The following ZRANB3 variants were observed in gnomAD, a reference collection of about 807,000 sequenced individuals.
The protein encoded by ZRANB3 is zinc finger RANBP2-type containing 3.
Under a neutral mutation model 133.8 loss-of-function variants are expected in ZRANB3, and 125 were observed. The ratio of observed to expected loss-of-function variants is 0.93; its 90% CI spans 0.81 to 1.08. The LOEUF (loss-of-function observed/expected upper bound fraction) is 1.08, where lower values mean the gene tolerates loss of function less well. Ranked by LOEUF, ZRANB3 falls within the 50% of genes least tolerant of loss-of-function variation. ZRANB3 has a pLI of 0.00. For synonymous variants in ZRANB3, 387 were observed against 432.7 expected (o/e 0.89, Z 1.31); for missense variants, 1,229 against 1,275.5 (o/e 0.96, Z 0.56).
At chr2:135,292,731 T>G (rs986181943) in intron 8 of ZRANB3, among the ~76,000 whole-genome samples, 1 of 152,254 alleles carries the variant, frequency 6.6e-6, no homozygotes, top group Non-Finnish European at 1.5e-5. Context: ...GTTTTAGGTC[T>G]AACATTTAAG....
At chr2:135,271,997 T>G (rs1680540835) in intron 9 of ZRANB3, 110 bp from the exon 10 acceptor site, 1 of 1,203,986 alleles carries the variant, frequency 8.3e-7, no homozygotes, top group Admixed American at 3.5e-5. Context: ...TGGAACTTGG[T>G]TAAGGTGACA....
At chr2:135,307,228 G>A (rs1165405951) in intron 8 of ZRANB3, among the ~76,000 whole-genome samples, 1 of 151,920 alleles carries the variant, frequency 6.6e-6, no homozygotes, top group Non-Finnish European at 1.5e-5. Context: ...ATCACACTGA[G>A]CTAATTTTTG....
rs1211633074 is a variant in ZRANB3, at chr2:135,443,290, T to C, written c.162-52470A>G. 2.7e-5 allele frequency among the ~76,000 whole-genome samples: 4 copies of C among 148,744 alleles called. No individual in the cohort carries two copies. In the East Asian group the frequency reaches 7.9e-4, roughly 29 times the overall value. On this transcript the variant is annotated intron_variant, in intron 2 of 20. Coordinates refer to ENST00000264159, the MANE Select transcript of ZRANB3 (RefSeq NM_032143.4). The stretch of plus-strand genomic sequence containing the variant: ...ATCACAAGGACAGAAAACCAAACAC[T>C]GCATGTTCTCACTCATAAGTGGCAG...
rs185680714 is a variant in ZRANB3, at chr2:135,264,275, A to C, written c.1539+1259T>G. Among the ~76,000 whole-genome samples, 16 of 151,302 alleles carry C rather than the reference A, an allele frequency of 1.1e-4. No individual in the cohort carries two copies. In the East Asian group the frequency reaches 3.0e-3, roughly 28 times the overall value. Reference sequence around the variant, plus strand: ...ATCACAAGGTCAGGAGTTCGAGACCAGCCTGGCCAACATAGTGAAACCCTG... The same window carrying C: ...ATCACAAGGTCAGGAGTTCGAGACCCGCCTGGCCAACATAGTGAAACCCTG... On this transcript the variant is annotated intron_variant, in intron 12 of 20. Coordinates refer to ENST00000264159, the MANE Select transcript of ZRANB3 (RefSeq NM_032143.4).
chr2:135,449,817 A>T (rs879514607), intron 2 of ZRANB3, among the ~76,000 whole-genome samples: 1 of 152,136 alleles, frequency 6.6e-6, no homozygotes, highest in Non-Finnish European at 1.5e-5. Context: ...CAGTGCAGTG[A>T]CAAAACCTTG....
intron 3 of ZRANB3, among the ~76,000 whole-genome samples, chr2:135,358,811 AC>A (rs1558941475): frequency 1.3e-5 from 2 of 152,076 alleles, no homozygotes; most frequent in Non-Finnish European, 2.9e-5. Context: ...AAGCCCTCTT[AC>A]CCTTCTGCCC....
chr2:135,501,908 C>T (rs1692966122), intron 2 of ZRANB3, among the ~76,000 whole-genome samples: 1 of 152,022 alleles, frequency 6.6e-6, no homozygotes. Context: ...GTAATTTTTC[C>T]CTTTGTAATA....
chr2:135,417,363 CTCA>C (rs1440537552), intron 2 of ZRANB3, among the ~76,000 whole-genome samples: 78 of 151,886 alleles, frequency 5.1e-4, no homozygotes, highest in Non-Finnish European at 1.8e-4. Context: ...TGAAAAAATG[CTCA>C]TCATCACTGG....
chr2:135,296,037 A>T (rs902163394), intron 8 of ZRANB3, among the ~76,000 whole-genome samples: 1 of 152,074 alleles, frequency 6.6e-6, no homozygotes, highest in Non-Finnish European at 1.5e-5. Context: ...AACTTTGGTG[A>T]ATCTGACAAT....
intron 2 of ZRANB3, among the ~76,000 whole-genome samples, chr2:135,479,302 T>C (rs2104790098): frequency 6.6e-6 from 1 of 152,292 alleles, no homozygotes. Flanking sequence ...AGTAGGTTTA[T>C]CTACAATGAA....
chr2:135,296,617 TG>T, intron 8 of ZRANB3, among the ~76,000 whole-genome samples: 1 of 152,354 alleles, frequency 6.6e-6, no homozygotes, highest in East Asian at 1.9e-4. Flanking sequence ...GTTCTGTTGC[TG>T]GTGAGGAGCT....
intron 6 of ZRANB3, among the ~76,000 whole-genome samples, chr2:135,340,450 G>A (rs563349218): frequency 1.8e-3 from 274 of 152,000 alleles, no homozygotes; most frequent in African/African-American, 6.3e-3. Flanking sequence ...CTTGGCAATT[G>A]TTGCTTATTT....
chr2:135,450,077 G>T (rs1690201439), intron 2 of ZRANB3, among the ~76,000 whole-genome samples: 1 of 152,018 alleles, frequency 6.6e-6, no homozygotes, highest in African/African-American at 2.4e-5. Context: ...ATTAACAACG[G>T]TTAATTAAGT....
chr2:135,204,351 G>A (rs1383431550), intron 19 of ZRANB3, among the ~76,000 whole-genome samples: 1 of 151,998 alleles, frequency 6.6e-6, no homozygotes, highest in Non-Finnish European at 1.5e-5. Context: ...AATCCATTTT[G>A]GTTTTGCCTT....
intron 2 of ZRANB3, among the ~76,000 whole-genome samples, chr2:135,489,236 C>T (rs1192131366): frequency 7.0e-6 from 1 of 142,976 alleles, no homozygotes; most frequent in African/African-American, 2.6e-5. Flanking sequence ...AATATGTTCT[C>T]ACTCATAGGT....
At chr2:135,221,946 T>C (rs774578374) in intron 15 of ZRANB3, among the ~76,000 whole-genome samples, 2 of 152,150 alleles carry the variant, frequency 1.3e-5, no homozygotes, top group South Asian at 4.1e-4. Context: ...TAAAAGAATA[T>C]TATTACATGG....
intron 8 of ZRANB3, among the ~76,000 whole-genome samples, chr2:135,305,963 TG>T (rs1682671846): frequency 6.6e-6 from 1 of 152,208 alleles, no homozygotes; most frequent in Non-Finnish European, 1.5e-5. Context: ...TTTACTCTGT[TG>T]AACATTCCCT....
chr2:135,394,706 A>G (rs1049939372), intron 2 of ZRANB3, among the ~76,000 whole-genome samples: 5 of 152,072 alleles, frequency 3.3e-5, no homozygotes, highest in African/African-American at 1.2e-4. Flanking sequence ...AAGGTAGTAA[A>G]TTTTACATTG....
At chr2:135,286,092 GTT>G (rs1681350114) in intron 8 of ZRANB3, among the ~76,000 whole-genome samples, 1 of 151,636 alleles carries the variant, frequency 6.6e-6, no homozygotes, top group Non-Finnish European at 1.5e-5. Flanking sequence ...ATTTTATTAG[GTT>G]TTTGGGGGAA....
Sources: gnomAD v4.1 joint callset for allele counts (sites outside exome capture counted in the v4.1 genomes callset) on GRCh38, gnomAD v4.1.1 for gene constraint, MANE v1.5 for transcripts, NCBI Gene and HGNC (gene_info 2026-07-23, HGNC 2026-07-21) for gene names.